Variants in ZNF407 observed in about 807,000 individuals in gnomAD.
The protein encoded by ZNF407 is zinc finger protein 407.
ZNF407 carries 17 observed loss-of-function variants against 131.2 expected under a neutral mutation model. The ratio of observed to expected loss-of-function variants is 0.13; its 90% CI spans 0.09 to 0.19. ZNF407 has a LOEUF of 0.19. Among genes scored for constraint, ZNF407 ranks in the 10% least tolerant of loss-of-function variants. The pLI, the probability that ZNF407 is intolerant of heterozygous loss-of-function variation, is 1.00. For synonymous variants in ZNF407, 1,156 were observed against 1,062.0 expected, an observed-to-expected ratio of 1.09 and a Z score of -1.72; for missense variants, 2,681 against 2,830.6, an observed-to-expected ratio of 0.95 and a Z score of 1.20.
intron 8 of ZNF407, among the ~76,000 whole-genome samples, chr18:74,970,118 C>A (rs973586047): frequency 6.6e-6 from 1 of 152,130 alleles, no homozygotes; most frequent in African/African-American, 2.4e-5. Context: ...TAATCACGAT[C>A]ATGAGAATTA....
At position 74,638,076 on chromosome 18, in the gene ZNF407, C is replaced by A. The variant is rs146625265; in HGVS notation, c.4687+2370C>A. ...ATGTAACATGGGCTGTTGTTAAGTA[C>A]CAGATTGTCTGAAGCCATTCGTTTT... On this transcript the variant is annotated intron_variant, in intron 2 of 8. Coordinates refer to ENST00000299687, the MANE Select transcript of ZNF407 (RefSeq NM_017757.3). 5.9e-5 allele frequency among the ~76,000 whole-genome samples: 9 copies of A among 152,256 alleles called. No individual in the cohort carries two copies. In the East Asian group the frequency reaches 1.7e-3, roughly 29 times the overall value.
chr18:74,727,433 G>A (rs947497543), intron 3 of ZNF407, among the ~76,000 whole-genome samples: 26 of 152,276 alleles, frequency 1.7e-4, no homozygotes, highest in Middle Eastern at 3.4e-3. Flanking sequence ...TGGGTTTTGT[G>A]AAGATTATAT....
rs553703253 is a variant in ZNF407, at chr18:74,852,708, A to G, written c.4878-24489A>G. Among the ~76,000 whole-genome samples, 9 of 152,294 alleles carry G rather than the reference A, an allele frequency of 5.9e-5. No individual in the cohort carries two copies. In the East Asian group the frequency reaches 1.7e-3, roughly 29 times the overall value. On this transcript the variant is annotated intron_variant, in intron 4 of 8. Coordinates refer to ENST00000299687, the MANE Select transcript of ZNF407 (RefSeq NM_017757.3). Reference sequence around the variant, plus strand: ...AAGAAGGAAGTGAGCTTGGGTGCACATTCTCGTTTTAAATTAGAGTGTAAG... The same window carrying G: ...AAGAAGGAAGTGAGCTTGGGTGCACGTTCTCGTTTTAAATTAGAGTGTAAG...
intron 3 of ZNF407, among the ~76,000 whole-genome samples, chr18:74,683,224 T>C (rs1474206041): frequency 1.3e-5 from 2 of 152,226 alleles, no homozygotes; most frequent in Non-Finnish European, 2.9e-5. Flanking sequence ...ATTGCAAATT[T>C]TCCTGGGTAA....
At chr18:74,707,767 T>G (rs1286954329) in intron 3 of ZNF407, among the ~76,000 whole-genome samples, 2 of 152,244 alleles carry the variant, frequency 1.3e-5, no homozygotes, top group Non-Finnish European at 2.9e-5. Flanking sequence ...ATGAAATCTT[T>G]GTCTACTTTT....
At chr18:74,851,929 G>A (rs1970789703) in intron 4 of ZNF407, among the ~76,000 whole-genome samples, 1 of 152,172 alleles carries the variant, frequency 6.6e-6, no homozygotes, top group East Asian at 1.9e-4. Context: ...AGAAAGGAAT[G>A]TGCAACTCTG....
At chr18:74,685,802 G>C (rs1031289515) in intron 3 of ZNF407, among the ~76,000 whole-genome samples, 3 of 152,136 alleles carry the variant, frequency 2.0e-5, no homozygotes, top group Non-Finnish European at 2.9e-5. Context: ...GTGCCACCTG[G>C]TTGCCCACTC....
intron 4 of ZNF407, among the ~76,000 whole-genome samples, chr18:74,863,946 T>C (rs1370211155): frequency 2.6e-5 from 4 of 152,212 alleles, no homozygotes; most frequent in Non-Finnish European, 5.9e-5. Flanking sequence ...ATTTTTGTTT[T>C]TTTGTTTTTT....
At chr18:74,642,862 T>A (rs182437627) in intron 3 of ZNF407, among the ~76,000 whole-genome samples, 1 of 152,312 alleles carries the variant, frequency 6.6e-6, no homozygotes, top group East Asian at 1.9e-4. Context: ...TTTAGAATTA[T>A]GACAGCATTG....
intron 3 of ZNF407, among the ~76,000 whole-genome samples, chr18:74,643,303 A>G (rs1211857558): frequency 6.6e-6 from 1 of 152,116 alleles, no homozygotes; most frequent in Non-Finnish European, 1.5e-5. Context: ...CTCATGCTGC[A>G]TTTCTTCATT....
intron 3 of ZNF407, among the ~76,000 whole-genome samples, chr18:74,676,381 T>C (rs916932609): frequency 6.6e-6 from 1 of 152,002 alleles, no homozygotes; most frequent in Non-Finnish European, 1.5e-5. Flanking sequence ...CATGAGCCAC[T>C]GTGTCCCGGC....
intron 4 of ZNF407, among the ~76,000 whole-genome samples, chr18:74,796,261 T>C (rs1210563579): frequency 6.6e-6 from 1 of 152,212 alleles, no homozygotes; most frequent in African/African-American, 2.4e-5. Flanking sequence ...GAAGTCTAGA[T>C]ATATTTTTGT....
chr18:74,917,443 T>G (rs1247592974), intron 7 of ZNF407, among the ~76,000 whole-genome samples: 2 of 152,218 alleles, frequency 1.3e-5, no homozygotes, highest in African/African-American at 4.8e-5. Context: ...CTTAATGCCT[T>G]TTAAAATCTC....
chr18:74,927,877 A>C (rs539224153), intron 8 of ZNF407, among the ~76,000 whole-genome samples: 6 of 152,234 alleles, frequency 3.9e-5, no homozygotes, highest in Non-Finnish European at 4.4e-5. Flanking sequence ...CAGTCTGAGC[A>C]TATACTAAAA....
intron 7 of ZNF407, among the ~76,000 whole-genome samples, chr18:74,890,549 T>G (rs1440886393): frequency 6.6e-6 from 1 of 152,232 alleles, no homozygotes; most frequent in Non-Finnish European, 1.5e-5. Flanking sequence ...TACAACTGCT[T>G]TTCCAGTGAT....
chr18:74,634,548 G>A lies in ZNF407; in HGVS notation c.3529G>A (p.Val1177Ile). The change falls in exon 2 of 9, where the codon GTT becomes ATT. Residue 1177 changes from valine to isoleucine, a missense_variant. Physicochemically the swap from Val to Ile is conservative, Grantham distance 29. Coordinates refer to ENST00000299687, the MANE Select transcript of ZNF407 (RefSeq NM_017757.3). Reference protein sequence around the residue: ...TFQQAPVKDKVRKPEEMMSLT... With the variant: ...TFQQAPVKDKIRKPEEMMSLT... The stretch of plus-strand genomic sequence containing the variant: ...CCAACAGGCTCCTGTCAAGGATAAA[G>A]TTAGGAAACCTGAGGAGATGATGTC... 1 of 1,613,766 alleles carries A rather than the reference G, an allele frequency of 6.2e-7. No homozygotes were observed. Among genetic ancestry groups the A allele is most frequent in the Non-Finnish European group, 8.5e-7 (1 of 1,179,874 alleles).
chr18:74,960,859 A>G (rs866322355), intron 8 of ZNF407, among the ~76,000 whole-genome samples: 2,641 of 49,910 alleles, frequency 0.053, 2 homozygotes, highest in Middle Eastern at 0.14. Flanking sequence ...GATAGGAGAA[A>G]GTCCTGAGTC....
At chr18:74,710,802 C>T (rs1325152136) in intron 3 of ZNF407, among the ~76,000 whole-genome samples, 1 of 152,162 alleles carries the variant, frequency 6.6e-6, no homozygotes. Context: ...CCAAGTTAAT[C>T]AAATGAACTA....
intron 8 of ZNF407, among the ~76,000 whole-genome samples, chr18:74,953,369 T>C (rs1400399409): frequency 6.6e-6 from 1 of 152,242 alleles, no homozygotes; most frequent in Non-Finnish European, 1.5e-5. Context: ...CCTTAATGTG[T>C]AGATTTTGTT....
Sources: allele counts gnomAD v4.1 joint callset (sites outside exome capture counted in the v4.1 genomes callset), GRCh38; gene constraint gnomAD v4.1.1; transcripts MANE v1.5; gene names NCBI Gene and HGNC (gene_info 2026-07-23, HGNC 2026-07-21).